The following NDUFS4 variants were observed in gnomAD, a reference collection of about 807,000 sequenced individuals.
NDUFS4 encodes NADH:ubiquinone oxidoreductase subunit S4, also known as NADH dehydrogenase [ubiquinone] iron-sulfur protein 4, mitochondrial.
Under a neutral mutation model 24.3 loss-of-function variants are expected in NDUFS4, and 28 were observed. The ratio of observed to expected loss-of-function variants is 1.15; its 90% CI spans 0.85 to 1.58. NDUFS4 has a LOEUF of 1.58. Among genes scored for constraint, NDUFS4 ranks in the 40% most tolerant of loss-of-function variants. The pLI is 0.00. For synonymous variants in NDUFS4, 93 were observed against 69.7 expected (o/e 1.34, Z -1.67); for missense variants, 223 against 207.9 (o/e 1.07, Z -0.45).
intron 2 of NDUFS4, among the ~76,000 whole-genome samples, chr5:53,644,777 T>C (rs1751809344): frequency 6.6e-6 from 1 of 152,160 alleles, no homozygotes; most frequent in Non-Finnish European, 1.5e-5. Flanking sequence ...ATAATTTTGA[T>C]AGTTTCTGTA....
chr5:53,591,811 G>A (rs1232324481), intron 1 of NDUFS4, among the ~76,000 whole-genome samples: 1 of 152,094 alleles, frequency 6.6e-6, no homozygotes, highest in East Asian at 1.9e-4. Flanking sequence ...ATTTCCTAAT[G>A]ACATATGATA....
At chr5:53,589,914 C>A (rs1053920182) in intron 1 of NDUFS4, among the ~76,000 whole-genome samples, 6 of 152,138 alleles carry the variant, frequency 3.9e-5, no homozygotes, top group African/African-American at 1.4e-4. Context: ...GGTTGGCTTT[C>A]CTTGCTCCTC....
intron 2 of NDUFS4, among the ~76,000 whole-genome samples, chr5:53,641,505 G>A (rs561080208): frequency 5.3e-5 from 8 of 152,196 alleles, no homozygotes; most frequent in East Asian, 1.9e-4. Flanking sequence ...TCCAACACTT[G>A]ATTCATTGCC....
chr5:53,665,535 C>A lies in NDUFS4; in HGVS notation c.424+6911C>A, dbSNP rs182975165. Among the ~76,000 whole-genome samples, 282 of 152,344 alleles carry A rather than the reference C, an allele frequency of 1.9e-3. 2 individuals carry two copies. Among genetic ancestry groups the A allele is most frequent in the African/African-American group, 6.5e-3 (272 of 41,580 alleles). On this transcript the variant is annotated intron_variant, in intron 4 of 4. Coordinates refer to ENST00000296684, the MANE Select transcript of NDUFS4 (RefSeq NM_002495.4). ...CAAGCCTTGGCAATGGCGGACGCCC[C>A]TCCCACAGCCTCGCTGATGCCTTGC...
At chr5:53,667,660 A>G (rs1752557853) in intron 4 of NDUFS4, among the ~76,000 whole-genome samples, 1 of 152,148 alleles carries the variant, frequency 6.6e-6, no homozygotes, top group South Asian at 2.1e-4. Flanking sequence ...TTGAAGGTTG[A>G]GTGAACCGAT....
chr5:53,600,098 C>A (rs1176312580), intron 1 of NDUFS4, among the ~76,000 whole-genome samples: 1 of 150,302 alleles, frequency 6.7e-6, no homozygotes, highest in East Asian at 2.0e-4. Flanking sequence ...CTCCCGGGTT[C>A]AAGTGATTCT....
chr5:53,611,839 A>C (rs1750707730), intron 2 of NDUFS4, among the ~76,000 whole-genome samples: 2 of 152,044 alleles, frequency 1.3e-5, no homozygotes, highest in African/African-American at 4.8e-5. Flanking sequence ...TCCAATGAAC[A>C]TGTTGTCTTT....
intron 2 of NDUFS4, among the ~76,000 whole-genome samples, chr5:53,634,378 T>A (rs1236690537): frequency 6.6e-6 from 1 of 152,188 alleles, no homozygotes; most frequent in African/African-American, 2.4e-5. Flanking sequence ...TTTAGGAAAT[T>A]TATGTTCTGG....
At chr5:53,681,815 G>A (rs908165544) in intron 4 of NDUFS4, among the ~76,000 whole-genome samples, 19 of 151,946 alleles carry the variant, frequency 1.3e-4, no homozygotes, top group African/African-American at 2.9e-4. Context: ...ATTAAAATAC[G>A]CTGTTAAATG....
chr5:53,599,849 C>T (rs1750254558), intron 1 of NDUFS4, among the ~76,000 whole-genome samples: 1 of 151,742 alleles, frequency 6.6e-6, no homozygotes, highest in Non-Finnish European at 1.5e-5. Context: ...GGTTTTTGTA[C>T]TCTTAATATT....
chr5:53,585,274 G>A (rs974414906), intron 1 of NDUFS4, among the ~76,000 whole-genome samples: 1 of 152,160 alleles, frequency 6.6e-6, no homozygotes, highest in Non-Finnish European at 1.5e-5. Flanking sequence ...TAATTTATAA[G>A]GGAAGCCAGT....
At chr5:53,585,866 T>A (rs1185021037) in intron 1 of NDUFS4, among the ~76,000 whole-genome samples, 1 of 152,204 alleles carries the variant, frequency 6.6e-6, no homozygotes, top group East Asian at 1.9e-4. Context: ...TATGTTACAT[T>A]TCTGAGTTGA....
intron 1 of NDUFS4, among the ~76,000 whole-genome samples, chr5:53,575,527 A>ATT (rs1749354860): frequency 9.3e-6 from 1 of 107,580 alleles, no homozygotes; most frequent in African/African-American, 3.7e-5. Context: ...ATATGATCAG[A>ATT]TTCTTTTTTT....
In NDUFS4 at chr5:53,560,722, G is replaced by C. The variant is rs770122859; in HGVS notation, c.60G>C (p.Val20=). 3.7e-6 allele frequency: 6 copies of C among 1,614,108 alleles called. No individual in the cohort carries two copies. The highest frequency in any genetic ancestry group is 5.1e-6 in the Non-Finnish European group (6 of 1,180,044). Residue 20 remains valine, a synonymous_variant, in exon 1 of 5, where the codon GTG becomes GTC. Transcript: ENST00000296684. ...LRQTLWRRRA[V]AVAALSVSRV... ...AGACGTTGTGGCGGAGAAGGGCAGT[G>C]GCTGTAGCTGCCCTTTCCGTTTCCA...
chr5:53,675,434 T>C (rs1453254262), intron 4 of NDUFS4, among the ~76,000 whole-genome samples: 2 of 152,064 alleles, frequency 1.3e-5, no homozygotes, highest in African/African-American at 4.8e-5. Flanking sequence ...AGTGCTGGGA[T>C]TACAGGCGTG....
rs181075490 is a variant in NDUFS4 at position 53,678,422 on chromosome 5, G to A, written c.425-4696G>A. Among the ~76,000 whole-genome samples the A allele has an allele frequency of 4.7e-4, 71 of 152,260 alleles. 4 individuals are homozygous for A. In the East Asian group the frequency reaches 8.1e-3, roughly 17 times the overall value. ...ATATGGCTACTCTCCTCTAGAAAGT[G>A]ACGGCAGCACTGGGAGCTTTACCTA... On this transcript the variant is annotated intron_variant, in intron 4 of 4. Coordinates refer to ENST00000296684, the MANE Select transcript of NDUFS4 (RefSeq NM_002495.4).
At chr5:53,673,239 C>T (rs755848156) in intron 4 of NDUFS4, among the ~76,000 whole-genome samples, 3 of 152,112 alleles carry the variant, frequency 2.0e-5, no homozygotes, top group Non-Finnish European at 2.9e-5. Context: ...GACAACTGTT[C>T]TCAAGTAGCT....
At chr5:53,663,976 G>T (rs774035748) in intron 4 of NDUFS4, among the ~76,000 whole-genome samples, 2 of 151,412 alleles carry the variant, frequency 1.3e-5, no homozygotes, top group Non-Finnish European at 3.0e-5. Flanking sequence ...GGTACTTGTT[G>T]TTCCTTTCCA....
chr5:53,610,290 C>G (rs956181146), intron 2 of NDUFS4, among the ~76,000 whole-genome samples: 94 of 152,152 alleles, frequency 6.2e-4, no homozygotes, highest in Non-Finnish European at 2.5e-4. Context: ...AATGGCTTGT[C>G]AGTGGAGGAC....
Sources: gnomAD v4.1 joint callset for allele counts (sites outside exome capture counted in the v4.1 genomes callset) on GRCh38, gnomAD v4.1.1 for gene constraint, MANE v1.5 for transcripts, NCBI Gene and HGNC (gene_info 2026-07-23, HGNC 2026-07-21) for gene names.